The following MRTFA variants were observed in gnomAD, a reference collection of about 807,000 sequenced individuals.
MRTFA encodes myocardin-related transcription factor A.
In MRTFA, 20 loss-of-function variants were observed where a neutral mutation model predicts 83.5. That is an observed-to-expected ratio of 0.24 (90% CI 0.17 to 0.35). MRTFA has a LOEUF of 0.35. Among genes scored for constraint, MRTFA ranks in the 10% least tolerant of loss-of-function variants. The probability of loss-of-function intolerance (pLI) is 1.00; values close to 1 mark genes in which losing one functional copy is unlikely to be tolerated. For missense variants in MRTFA, 1,200 were observed against 1,224.7 expected (o/e 0.98, Z 0.30); for synonymous variants, 659 against 541.2 (o/e 1.22, Z -3.02).
intron 2 of MRTFA, among the ~76,000 whole-genome samples, chr22:40,590,864 T>C (rs1221372824): frequency 6.6e-6 from 1 of 152,056 alleles, no homozygotes; most frequent in Non-Finnish European, 1.5e-5. Context: ...CTGGGCACGG[T>C]GGCTCACAGC....
At chr22:40,586,918 GT>G (rs958632447) in intron 2 of MRTFA, 2 of 432,112 alleles carry the variant, frequency 4.6e-6, no homozygotes, top group African/African-American at 2.0e-5. Flanking sequence ...GCTGGTGCTG[GT>G]GCTGGTGCTG....
At chr22:40,466,147 G>A (rs1013732647) in intron 3 of MRTFA, among the ~76,000 whole-genome samples, 1 of 152,146 alleles carries the variant, frequency 6.6e-6, no homozygotes, top group Non-Finnish European at 1.5e-5. Context: ...AGGAATTCAG[G>A]TGATCAACTT....
At chr22:40,427,248 G>GTTT (rs2052973813) in intron 7 of MRTFA, among the ~76,000 whole-genome samples, 2 of 152,172 alleles carry the variant, frequency 1.3e-5, no homozygotes, top group Non-Finnish European at 2.9e-5. Flanking sequence ...CTGAGATGAG[G>GTTT]CAGGATGAAC....
intron 1 of MRTFA, among the ~76,000 whole-genome samples, chr22:40,603,449 C>T (rs1474486186): frequency 6.6e-6 from 1 of 152,136 alleles, no homozygotes; most frequent in Non-Finnish European, 1.5e-5. Flanking sequence ...ACATACTTAA[C>T]TACCATAACA....
intron 14 of MRTFA, among the ~76,000 whole-genome samples, chr22:40,414,251 G>A (rs1479315217): frequency 1.3e-5 from 2 of 152,182 alleles, no homozygotes; most frequent in African/African-American, 2.4e-5. Context: ...GCTGAGGCAG[G>A]AGAATTGCTT....
chr22:40,533,936 G>A (rs749168635), intron 3 of MRTFA: 1 of 287,406 alleles, frequency 3.5e-6, no homozygotes, highest in Non-Finnish European at 6.5e-6. Flanking sequence ...GGGGAGGGGA[G>A]AGACATATAT....
intron 2 of MRTFA, among the ~76,000 whole-genome samples, chr22:40,578,616 T>C (rs2055901990): frequency 6.6e-6 from 1 of 151,992 alleles, no homozygotes; most frequent in African/African-American, 2.4e-5. Flanking sequence ...CTCAAAATTT[T>C]TTTTTAGAAA....
At chr22:40,453,008 C>A (rs2053523468) in intron 4 of MRTFA, among the ~76,000 whole-genome samples, 1 of 152,064 alleles carries the variant, frequency 6.6e-6, no homozygotes, top group Non-Finnish European at 1.5e-5. Context: ...GAGGTAGAAA[C>A]ACACTCTACA....
chr22:40,569,263 T>C (rs1208425613), intron 2 of MRTFA: 7 of 177,760 alleles, frequency 3.9e-5, no homozygotes, highest in Non-Finnish European at 6.2e-5. Context: ...CAGCAGAGAG[T>C]AGCCATTGAG....
intron 3 of MRTFA, among the ~76,000 whole-genome samples, chr22:40,493,434 C>A (rs1003704485): frequency 4.6e-5 from 7 of 152,194 alleles, no homozygotes; most frequent in African/African-American, 1.7e-4. Flanking sequence ...CTGCCATGAC[C>A]TCTACTCACA....
intron 1 of MRTFA, among the ~76,000 whole-genome samples, chr22:40,616,855 T>C (rs574770256): frequency 1.1e-4 from 17 of 152,030 alleles, no homozygotes; most frequent in South Asian, 2.1e-4. Context: ...CCCAGCACTT[T>C]TGGAAGGCTG....
intron 6 of MRTFA, among the ~76,000 whole-genome samples, chr22:40,430,659 G>A (rs1447157122): frequency 6.6e-6 from 1 of 152,038 alleles, no homozygotes; most frequent in Non-Finnish European, 1.5e-5. Flanking sequence ...AGGAGTTCGA[G>A]ACCAGCCTGG....
At chr22:40,593,196 T>C (rs1299207552) in intron 2 of MRTFA, among the ~76,000 whole-genome samples, 2 of 152,292 alleles carry the variant, frequency 1.3e-5, no homozygotes, top group South Asian at 2.1e-4. Context: ...AATTAACTCA[T>C]ATAATTATTC....
chr22:40,414,236 G>A (rs1016839478), intron 14 of MRTFA, among the ~76,000 whole-genome samples: 2 of 152,142 alleles, frequency 1.3e-5, no homozygotes, highest in African/African-American at 2.4e-5. Context: ...CCGGCTACTC[G>A]AGAAGCTGAG....
At position 40,424,379 on chromosome 22, in the gene MRTFA, C is replaced by G. The variant is rs1195270416; in HGVS notation, c.604G>C (p.Gly202Arg). 1 of 1,612,888 alleles carries G rather than the reference C, an allele frequency of 6.2e-7. No homozygotes were observed. Reference sequence around the variant, plus strand: ...GCTACTTTGGGATAGTTCACCTGGCCCACTGAAACCCAAAGCTGGTGTGAG... The same window carrying G: ...GCTACTTTGGGATAGTTCACCTGGCGCACTGAAACCCAAAGCTGGTGTGAG... Residue 202 changes from glycine to arginine, a missense_variant and splice_region_variant, in exon 8 of 15, where the codon GGC (glycine) becomes CGC (arginine). Gly to Arg is a moderately radical substitution (Grantham distance 125). This residue lies in a region of MRTFA where 93 missense variants were observed against 182.9 expected (regional missense o/e 0.51). Transcript: ENST00000355630.
At chr22:40,548,358 CAAAA>C (rs10664022) in intron 3 of MRTFA, among the ~76,000 whole-genome samples, 22 of 66,150 alleles carry the variant, frequency 3.3e-4, no homozygotes, top group Non-Finnish European at 1.8e-4. Flanking sequence ...GACTCCGTCT[CAAAA>C]AAAAAAAAAA....
chr22:40,611,406 T>G (rs757131258), intron 1 of MRTFA, among the ~76,000 whole-genome samples: 8 of 151,858 alleles, frequency 5.3e-5, no homozygotes, highest in Non-Finnish European at 1.0e-4. Context: ...ATCCAGCTTT[T>G]TTTTTTAATT....
chr22:40,421,509 C>T (rs1369154902), intron 9 of MRTFA, among the ~76,000 whole-genome samples: 19 of 152,144 alleles, frequency 1.2e-4, no homozygotes, highest in Admixed American at 1.2e-3. Flanking sequence ...CTTTTTGGGG[C>T]TGGGGGGAAT....
chr22:40,636,112 G>A (rs987812157), intron 1 of MRTFA, among the ~76,000 whole-genome samples: 1 of 152,228 alleles, frequency 6.6e-6, no homozygotes, highest in Non-Finnish European at 1.5e-5. Context: ...GTCTGCACAA[G>A]ACCCCAGAGA....
Sources: gnomAD v4.1 joint callset for allele counts (sites outside exome capture counted in the v4.1 genomes callset) on GRCh38, gnomAD v4.1.1 for gene constraint, gnomAD v4.1.1 regional missense constraint, MANE v1.5 for transcripts, NCBI Gene and HGNC (gene_info 2026-07-23, HGNC 2026-07-21) for gene names.